Variants in RYR3 observed in about 807,000 individuals in gnomAD.
The protein encoded by RYR3 is ryanodine receptor 3.
Under a neutral mutation model 584.3 loss-of-function variants are expected in RYR3, and 207 were observed. That is an observed-to-expected ratio of 0.35 (90% CI 0.32 to 0.40). The LOEUF is 0.40. Among genes scored for constraint, RYR3 ranks in the 10% least tolerant of loss-of-function variants. The pLI, the probability that RYR3 is intolerant of heterozygous loss-of-function variation, is 1.00. For missense variants in RYR3, 5,616 were observed against 6,089.2 expected (o/e 0.92, Z 2.59); for synonymous variants, 2,416 against 2,248.5 (o/e 1.07, Z -2.11).
intron 53 of RYR3, among the ~76,000 whole-genome samples, chr15:33,747,204 A>T (rs2152844210): frequency 6.6e-6 from 1 of 152,258 alleles, no homozygotes; most frequent in East Asian, 1.9e-4. Context: ...GCTTAAAAAA[A>T]TTAATTAATT....
chr15:33,492,365 G>A (rs1481175296), intron 2 of RYR3, among the ~76,000 whole-genome samples: 1 of 151,454 alleles, frequency 6.6e-6, no homozygotes, highest in East Asian at 1.9e-4. Flanking sequence ...TTTTGAAAAG[G>A]TATTTTCCAC....
intron 38 of RYR3, among the ~76,000 whole-genome samples, chr15:33,684,220 G>A (rs1188010719): frequency 1.3e-5 from 2 of 152,212 alleles, no homozygotes; most frequent in Non-Finnish European, 2.9e-5. Context: ...CTAACTGGGA[G>A]ACACCTCCCA....
intron 20 of RYR3, among the ~76,000 whole-genome samples, chr15:33,626,605 G>A (rs1379657303): frequency 6.6e-6 from 1 of 152,216 alleles, no homozygotes; most frequent in Non-Finnish European, 1.5e-5. Flanking sequence ...GACCTTTGCA[G>A]TAGCCCCTCC....
At chr15:33,636,842 G>A (rs977359260) in intron 27 of RYR3, among the ~76,000 whole-genome samples, 1 of 152,186 alleles carries the variant, frequency 6.6e-6, no homozygotes, top group Non-Finnish European at 1.5e-5. Context: ...AGGTTTCCCA[G>A]TATTACAAAG....
At chr15:33,521,320 T>C (rs1019558940) in intron 3 of RYR3, among the ~76,000 whole-genome samples, 3 of 152,192 alleles carry the variant, frequency 2.0e-5, no homozygotes, top group African/African-American at 7.2e-5. Context: ...ATTTACACCT[T>C]CTCAAATTAG....
chr15:33,739,499 G>A (rs908183490), intron 50 of RYR3, among the ~76,000 whole-genome samples: 1 of 146,404 alleles, frequency 6.8e-6, no homozygotes, highest in Admixed American at 6.9e-5. Context: ...ATCCTTAGCA[G>A]ACAAGTTTAT....
At chr15:33,757,060 C>A (rs1272747546) in intron 59 of RYR3, among the ~76,000 whole-genome samples, 4 of 152,138 alleles carry the variant, frequency 2.6e-5, no homozygotes, top group Non-Finnish European at 4.4e-5. Flanking sequence ...CTCTTCCATA[C>A]AGCCCTGCTC....
chr15:33,414,301 T>TTGG (rs2043622340), intron 1 of RYR3, among the ~76,000 whole-genome samples: 2 of 152,252 alleles, frequency 1.3e-5, no homozygotes, highest in South Asian at 4.2e-4. Context: ...TTTAAATGGT[T>TTGG]TGGAGAGTGG....
chr15:33,666,996 C>A (rs28735770), intron 36 of RYR3, among the ~76,000 whole-genome samples: 16,319 of 152,282 alleles, frequency 0.11, 968 homozygotes, highest in African/African-American at 0.17. Flanking sequence ...GACAACAAAT[C>A]AGCATATGTT....
chr15:33,646,963 C>G (rs2062138056), intron 29 of RYR3, among the ~76,000 whole-genome samples: 1 of 152,222 alleles, frequency 6.6e-6, no homozygotes, highest in Admixed American at 6.5e-5. Flanking sequence ...AATGTGACTT[C>G]TTTCTTCCTG....
intron 60 of RYR3, among the ~76,000 whole-genome samples, chr15:33,758,234 G>T (rs566789026): frequency 2.4e-4 from 37 of 152,308 alleles, no homozygotes; most frequent in African/African-American, 8.9e-4. Flanking sequence ...CAGACACTGA[G>T]CTAGCTGCAG....
intron 9 of RYR3, among the ~76,000 whole-genome samples, chr15:33,548,907 C>T (rs578136396): frequency 1.3e-4 from 20 of 152,078 alleles, no homozygotes; most frequent in South Asian, 1.0e-3. Context: ...CCTTCTCTGC[C>T]TTTCCCTCTA....
At chr15:33,443,605 G>A (rs538510093) in intron 1 of RYR3, among the ~76,000 whole-genome samples, 2 of 152,092 alleles carry the variant, frequency 1.3e-5, no homozygotes, top group South Asian at 4.2e-4. Context: ...TACAGACATC[G>A]CTCCTCTGAC....
intron 80 of RYR3, among the ~76,000 whole-genome samples, chr15:33,821,879 C>G (rs900415831): frequency 1.3e-5 from 2 of 152,144 alleles, no homozygotes; most frequent in African/African-American, 4.8e-5. Context: ...TATAAATATT[C>G]TCCAGAAAAA....
intron 2 of RYR3, among the ~76,000 whole-genome samples, chr15:33,475,608 G>A (rs548192212): frequency 2.6e-5 from 4 of 152,302 alleles, no homozygotes; most frequent in Non-Finnish European, 5.9e-5. Flanking sequence ...CTGGGTCCAT[G>A]GCCCCAGGGG....
At chr15:33,760,708 A>C (rs942177007) in intron 60 of RYR3, among the ~76,000 whole-genome samples, 1 of 152,226 alleles carries the variant, frequency 6.6e-6, no homozygotes, top group African/African-American at 2.4e-5. Flanking sequence ...GAAAATTAAC[A>C]AGGATATGCA....
At position 33,757,785 on chromosome 15, in the gene RYR3, C is replaced by T. The variant is rs191114948; in HGVS notation, c.8705+189C>T. The T allele has an allele frequency of 2.8e-3, 1,797 of 638,176 alleles. 13 individuals are homozygous for T. Among genetic ancestry groups the T allele is most frequent in the South Asian group, 0.01 (521 of 50,792 alleles). 39.5% of individuals were successfully genotyped at this position (638,176 alleles called of 1,614,324 possible). A position where few individuals can be genotyped will look rare whatever the true frequency, so the allele number is the denominator to read the frequency against. ...TATTTCAGCAACCAATTGAGGTATA[C>T]TGTGTGGGAGTACCCGTGGGGCTTG... On this transcript the variant is annotated intron_variant, in intron 60 of 103. Transcript: ENST00000634891.
intron 1 of RYR3, among the ~76,000 whole-genome samples, chr15:33,382,319 C>CTTTTTTTTTTTTTTTTTTTTTTTTT (rs34767570): frequency 9.5e-6 from 1 of 104,786 alleles, no homozygotes; most frequent in African/African-American, 4.0e-5. Context: ...TTAAAAGTGG[C>CTTTTTTTTTTTTTTTTTTTTTTTTT]TTTTTTTTTT....
chr15:33,426,438 G>C (rs1256369938), intron 1 of RYR3, among the ~76,000 whole-genome samples: 1 of 152,120 alleles, frequency 6.6e-6, no homozygotes, highest in Non-Finnish European at 1.5e-5. Flanking sequence ...CAGGCTACAG[G>C]CACTATTCCA....
Sources: allele counts gnomAD v4.1 joint callset (sites outside exome capture counted in the v4.1 genomes callset), GRCh38; gene constraint gnomAD v4.1.1; transcripts MANE v1.5; gene names NCBI Gene and HGNC (gene_info 2026-07-23, HGNC 2026-07-21).